Variants in ZNF197 observed in about 807,000 individuals in gnomAD.
The protein encoded by ZNF197 is VHL-associated KRAB-A domain-containing protein.
In ZNF197, 14 loss-of-function variants were observed where a neutral mutation model predicts 27.4. The observed-to-expected ratio is 0.51, with a 90% CI of 0.34 to 0.80. The LOEUF is 0.80. Ranked by LOEUF, ZNF197 falls within the 30% of genes least tolerant of loss-of-function variation. ZNF197 has a pLI of 0.02. For synonymous variants in ZNF197, 415 were observed against 420.0 expected (o/e 0.99, Z 0.15); for missense variants, 1,090 against 1,222.6 (o/e 0.89, Z 1.62).
rs201559393 is a variant in ZNF197 at position 44,646,510 on chromosome 3, G to A, written c.*2290G>A. On this transcript the variant is annotated 3_prime_UTR_variant, in exon 6 of 6. Coordinates refer to ENST00000344387, the MANE Select transcript of ZNF197 (RefSeq NM_006991.5). Reference sequence around the variant, plus strand: ...TGCCAGGTTACAGGAAATACAGGAGGCAGAGGAACAAATAAAAGACACCAC... The same window carrying A: ...TGCCAGGTTACAGGAAATACAGGAGACAGAGGAACAAATAAAAGACACCAC... 7 of 1,552,842 alleles carry A rather than the reference G, an allele frequency of 4.5e-6. No homozygotes were observed. The highest frequency in any genetic ancestry group is 6.2e-6 in the Non-Finnish European group (7 of 1,124,252).
intron 2 of ZNF197, among the ~76,000 whole-genome samples, 188 bp downstream of exon 2, chr3:44,629,732 ATT>A (rs1701875798): frequency 6.6e-6 from 1 of 152,216 alleles, no homozygotes; most frequent in Non-Finnish European, 1.5e-5. Context: ...AGAGAAACGG[ATT>A]TACGTTGAGG....
rs1702695595 is a variant in ZNF197, at chr3:44,642,794, AC to A, written c.1666del (p.His556IlefsTer106). ...KTFAQTTYLI[D>X]HQRLHSAENP... Reference sequence around the variant, plus strand: ...TTTGCTCAGACCACTTATCTTATTGACCATCAGCGACTCCACAGTGCAGAGA... The same window carrying A: ...TTTGCTCAGACCACTTATCTTATTGACATCAGCGACTCCACAGTGCAGAGA... On this transcript the variant is annotated frameshift_variant, in exon 6 of 6. Transcript: ENST00000344387. LOFTEE classifies it low-confidence loss of function (END_TRUNC). 2 of 1,613,432 alleles carry A rather than the reference AC, an allele frequency of 1.2e-6. No homozygotes were observed. The highest frequency in any genetic ancestry group is 2.7e-5 in the African/African-American group (2 of 74,852).
chr3:44,632,395 C>G (rs1013096435), intron 4 of ZNF197, 78 bp from the exon 5 acceptor site: 6 of 1,539,006 alleles, frequency 3.9e-6, no homozygotes, highest in Non-Finnish European at 5.3e-6. Flanking sequence ...CAGTGTATCC[C>G]TTCCCCAGAA....
chr3:44,646,411 A>G lies in ZNF197; in HGVS notation c.*2191A>G. ...TTGCTTAGATTGAGACAGCCCACATAATGTGCCACCTTCTGTGATGTAATA... is the reference window on the plus strand; with the variant it reads ...TTGCTTAGATTGAGACAGCCCACATGATGTGCCACCTTCTGTGATGTAATA... On this transcript the variant is annotated 3_prime_UTR_variant, in exon 6 of 6. Coordinates refer to ENST00000344387, the MANE Select transcript of ZNF197 (RefSeq NM_006991.5). The G allele has an allele frequency of 6.2e-7, 1 of 1,606,806 alleles. No homozygotes were observed. The highest frequency in any genetic ancestry group is 8.5e-7 in the Non-Finnish European group (1 of 1,176,712).
Position 44,631,171 on chromosome 3 carries a change from C to T in ZNF197, c.500C>T (p.Pro167Leu), listed in dbSNP as rs537023025. The T allele has an allele frequency of 7.4e-6, 12 of 1,613,972 alleles. No homozygotes were observed. The highest frequency in any genetic ancestry group is 2.2e-5 in the East Asian group (1 of 44,884). Reference sequence around the variant, plus strand: ...AGCCACATAGCAGCTGAAATTTGCCCGCATCCTCCTACTGACCTAGTGGCA... The same window carrying T: ...AGCCACATAGCAGCTGAAATTTGCCTGCATCCTCCTACTGACCTAGTGGCA... ...PGSHIAAEIC[P>L]HPPTDLVAFN... Residue 167 changes from proline to leucine, a missense_variant, in exon 3 of 6, where the codon CCG (proline) becomes CTG (leucine). Pro to Leu is a moderately conservative substitution (Grantham distance 98). Transcript: ENST00000344387.
intron 5 of ZNF197, among the ~76,000 whole-genome samples, chr3:44,632,944 C>T (rs990516161): frequency 2.6e-5 from 4 of 152,170 alleles, no homozygotes; most frequent in African/African-American, 9.7e-5. Flanking sequence ...ATAATTCAGT[C>T]AGCCATTCCT....
Position 44,625,057 on chromosome 3 carries a change from C to T in ZNF197, c.-168C>T, listed in dbSNP as rs1161466983. ...CGGCCATTATTCTGTGCCTCGGCTG[C>T]CGGAAGGGCTCGTTCCTGTGTCATC... On this transcript the variant is annotated 5_prime_UTR_variant, in exon 1 of 6. Transcript: ENST00000344387. 6.6e-6 allele frequency: 1 copy of T among 152,256 alleles called. No homozygotes were observed. Among genetic ancestry groups the T allele is most frequent in the Non-Finnish European group, 1.5e-5 (1 of 68,066 alleles). The allele number at this position is 152,256 out of a possible 1,614,324, so 9.4% of individuals were successfully genotyped here.
rs1436431976 is a variant in ZNF197 at position 44,646,054 on chromosome 3, C to T, written c.*1834C>T. 1.0e-6 allele frequency: 1 copy of T among 985,234 alleles called. No individual in the cohort carries two copies. 61.0% of individuals were successfully genotyped at this position (985,234 alleles called of 1,614,324 possible). On this transcript the variant is annotated 3_prime_UTR_variant, in exon 6 of 6. Coordinates refer to ENST00000344387, the MANE Select transcript of ZNF197 (RefSeq NM_006991.5). ...TGTTATTAATTCAACCCCACAGTTT[C>T]TTGGGGGCTGGTTCCTCATTAGAGT...
At position 44,645,146 on chromosome 3, in the gene ZNF197, TGTCA is replaced by T. The variant is rs1215417233; in HGVS notation, c.*931_*934del. 7 of 969,746 alleles carry T rather than the reference TGTCA, an allele frequency of 7.2e-6. No homozygotes were observed. Among genetic ancestry groups the T allele is most frequent in the Non-Finnish European group, 2.5e-6 (2 of 815,762 alleles). 60.1% of individuals were successfully genotyped at this position (969,746 alleles called of 1,614,324 possible). On this transcript the variant is annotated 3_prime_UTR_variant, in exon 6 of 6. Transcript: ENST00000344387. ...GTCAGCCTCTAAAGCTTTAGTTTCC[TGTCA>T]GTCAAATGTTGACATGATACCTACC...
rs887702299 is a variant in ZNF197 at position 44,629,278 on chromosome 3, C to A, written c.124C>A (p.His42Asn). Residue 42 changes from histidine to asparagine, a missense_variant, in exon 2 of 6, where the codon CAC becomes AAC. His to Asn is a moderately conservative substitution (Grantham distance 68). Transcript: ENST00000344387. ...TAGCTCCTCTGTTTGGGAGACCTCC[C>A]ACCTACACTTTAGACAATTACGTTA... is the stretch of plus-strand genomic sequence containing the variant. ...GSSSSVWETS[H>N]LHFRQLRYHE... is the part of the protein sequence containing the mutation. The A allele has an allele frequency of 4.3e-6, 7 of 1,614,054 alleles. No homozygotes were observed. In the Admixed American group the frequency reaches 8.3e-5, roughly 19 times the overall value.
In ZNF197 at chr3:44,640,170, A is replaced by G. The variant is rs1045841054; in HGVS notation, c.770-1730A>G. ...TTTCTACAAAGTCTTAAAAAGCTCA[A>G]GAGGCCCATATATAGTCTGATTCCT... On this transcript the variant is annotated intron_variant, in intron 5 of 5. Coordinates refer to ENST00000344387, the MANE Select transcript of ZNF197 (RefSeq NM_006991.5). The surrounding 1 kb of genome is among the most constrained non-coding windows in gnomAD (Gnocchi z 4.0). 6.6e-6 allele frequency among the ~76,000 whole-genome samples: 1 copy of G among 152,226 alleles called. No homozygotes were observed. Among genetic ancestry groups the G allele is most frequent in the Non-Finnish European group, 1.5e-5 (1 of 68,038 alleles).
Position 44,646,691 on chromosome 3 carries a change from A to G in ZNF197, c.*2471A>G, listed in dbSNP as rs1311530608. Reference sequence around the variant, plus strand: ...ATTATACCATTCTCTGCTTTTGTGTATGTATGAAAATTTCGATATGAAAGG... The same window carrying G: ...ATTATACCATTCTCTGCTTTTGTGTGTGTATGAAAATTTCGATATGAAAGG... On this transcript the variant is annotated 3_prime_UTR_variant, in exon 6 of 6. Transcript: ENST00000344387. The G allele has an allele frequency of 1.6e-5, 9 of 560,510 alleles. No homozygotes were observed. The highest frequency in any genetic ancestry group is 2.9e-5 in the East Asian group (1 of 34,120). 34.7% of individuals were successfully genotyped at this position (560,510 alleles called of 1,614,324 possible).
In ZNF197 at chr3:44,645,309, A is replaced by G; in HGVS notation, c.*1089A>G. The G allele has an allele frequency of 1.0e-6, 1 of 985,436 alleles. No homozygotes were observed. Among genetic ancestry groups the G allele is most frequent in the Non-Finnish European group, 1.2e-6 (1 of 829,922 alleles). 61.0% of individuals were successfully genotyped at this position (985,436 alleles called of 1,614,324 possible). A position where few individuals can be genotyped will look rare whatever the true frequency, so the allele number is the denominator to read the frequency against. ...AACATGGGATCATGTAAGTTTGTGTATTAAGTCAATATTAGAATGAGGGGG... is the reference window on the plus strand; with the variant it reads ...AACATGGGATCATGTAAGTTTGTGTGTTAAGTCAATATTAGAATGAGGGGG... On this transcript the variant is annotated 3_prime_UTR_variant, in exon 6 of 6. Coordinates refer to ENST00000344387, the MANE Select transcript of ZNF197 (RefSeq NM_006991.5).
Position 44,642,008 on chromosome 3 carries a change from A to T in ZNF197, c.878A>T (p.Gln293Leu). The T allele has an allele frequency of 6.2e-7, 1 of 1,614,068 alleles. No homozygotes were observed. The highest frequency in any genetic ancestry group is 1.7e-5 in the Admixed American group (1 of 60,026). Residue 293 changes from glutamine (Q) to leucine (L), a missense_variant, in exon 6 of 6, where the codon CAG becomes CTG. Transcript: ENST00000344387. ...TSKRLQGSVP[Q>L]VLDFEEECEW... Reference sequence around the variant, plus strand: ...AAAAGACTTCAAGGAAGTGTTCCCCAGGTCCTTGATTTTGAAGAAGAGTGT... The same window carrying T: ...AAAAGACTTCAAGGAAGTGTTCCCCTGGTCCTTGATTTTGAAGAAGAGTGT...
chr3:44,629,228 AATGG>A lies in ZNF197; in HGVS notation c.75_78del (p.Trp26GlufsTer34), dbSNP rs757425478. 1 of 1,614,162 alleles carries A rather than the reference AATGG, an allele frequency of 6.2e-7. No homozygotes were observed. On this transcript the variant is annotated frameshift_variant, in exon 2 of 6. Transcript: ENST00000344387. LOFTEE classifies it high-confidence loss of function. ...GTGAAGGGGAAGGATGATACCTGGA[AATGG>A]GGAACCAGCTTCCAAGGAAGTAGCT...
intron 5 of ZNF197, among the ~76,000 whole-genome samples, chr3:44,634,933 C>T (rs1559467652): frequency 6.6e-6 from 1 of 150,638 alleles, no homozygotes; most frequent in Non-Finnish European, 1.5e-5. Context: ...GCAAACCTCC[C>T]ACCCCAGCCT....
In ZNF197 at chr3:44,642,931, A is replaced by T. The variant is rs372799159; in HGVS notation, c.1801A>T (p.Lys601Ter). ...KKTFGCKKCG[K>*]IFSSKSNFID... ...AACCTTTGGTTGTAAAAAGTGTGGG[A>T]AGATTTTCAGTTCTAAGTCAAACTT... is the stretch of plus-strand genomic sequence containing the variant. The change falls in exon 6 of 6, where the codon AAG becomes TAG. Residue 601 changes from lysine (K) to a stop codon, truncating the protein, a stop_gained. Transcript: ENST00000344387. LOFTEE classifies it low-confidence loss of function (END_TRUNC). 30 of 1,613,956 alleles carry T rather than the reference A, an allele frequency of 1.9e-5. No individual in the cohort carries two copies. Among genetic ancestry groups the T allele is most frequent in the Non-Finnish European group, 2.4e-5 (28 of 1,180,022 alleles).
chr3:44,626,371 A>G (rs1220132165), intron 1 of ZNF197, among the ~76,000 whole-genome samples: 1 of 151,778 alleles, frequency 6.6e-6, no homozygotes. Context: ...AGGTCTTTCT[A>G]ATTGTGGTAC....
intron 1 of ZNF197, among the ~76,000 whole-genome samples, chr3:44,625,612 A>G (rs1231573499): frequency 6.6e-6 from 1 of 152,318 alleles, no homozygotes; most frequent in African/African-American, 2.4e-5. Context: ...GTTTTGTAAT[A>G]TAATGGTATT....
Sources: gnomAD v4.1 joint callset for allele counts (sites outside exome capture counted in the v4.1 genomes callset) on GRCh38, gnomAD v4.1.1 for gene constraint, Gnocchi (gnomAD v3.1) non-coding constraint, MANE v1.5 for transcripts, NCBI Gene and HGNC (gene_info 2026-07-23, HGNC 2026-07-21) for gene names.